MAST4: variants seen among roughly 807,000 people sequenced by gnomAD.
The protein encoded by MAST4 is microtubule associated serine/threonine kinase family member 4.
MAST4 carries 89 observed loss-of-function variants against 162.7 expected under a neutral mutation model. The observed-to-expected ratio is 0.55, with a 90% confidence interval of 0.46 to 0.65. The LOEUF (loss-of-function observed/expected upper bound fraction) is 0.65. Among genes scored for constraint, MAST4 ranks in the 30% least tolerant of loss-of-function variants. The pLI is 0.00. For missense variants in MAST4, 3,153 were observed against 3,374.0 expected (o/e 0.93, Z 1.62); for synonymous variants, 1,479 against 1,361.1 (o/e 1.09, Z -1.91).
At chr5:66,772,363 C>T (rs1754397687) in intron 2 of MAST4, among the ~76,000 whole-genome samples, 1 of 151,854 alleles carries the variant, frequency 6.6e-6, no homozygotes, top group Non-Finnish European at 1.5e-5. Context: ...AAGATTTTAC[C>T]CTCTTATAGG....
At chr5:67,065,338 GCTC>G (rs1296751295) in intron 5 of MAST4, among the ~76,000 whole-genome samples, 4 of 152,150 alleles carry the variant, frequency 2.6e-5, no homozygotes, top group Admixed American at 2.0e-4. Flanking sequence ...TGGCTTTTCT[GCTC>G]CTAGCTCACT....
At chr5:66,697,185 AG>A (rs1749461738) in intron 1 of MAST4, among the ~76,000 whole-genome samples, 1 of 152,208 alleles carries the variant, frequency 6.6e-6, no homozygotes, top group African/African-American at 2.4e-5. Context: ...AGTGAAAATT[AG>A]GGTTTTGGAA....
chr5:66,600,365 T>A (rs1413527298), intron 1 of MAST4, among the ~76,000 whole-genome samples: 1 of 152,230 alleles, frequency 6.6e-6, no homozygotes. Flanking sequence ...TGAAGGACTG[T>A]TCCCCTGACA....
At chr5:66,843,150 A>G (rs890175447) in intron 3 of MAST4, among the ~76,000 whole-genome samples, 5 of 152,134 alleles carry the variant, frequency 3.3e-5, no homozygotes, top group African/African-American at 1.2e-4. Flanking sequence ...TGTGCCTCAG[A>G]AAAAAATGGA....
At chr5:66,764,071 T>G (rs1166982925) in intron 2 of MAST4, among the ~76,000 whole-genome samples, 2 of 152,242 alleles carry the variant, frequency 1.3e-5, no homozygotes, top group Non-Finnish European at 2.9e-5. Flanking sequence ...GGTGTATCAG[T>G]CAGCAACAGT....
chr5:67,049,464 ACTTCAGCCTT>A (rs1161671566), intron 4 of MAST4, among the ~76,000 whole-genome samples: 1 of 152,094 alleles, frequency 6.6e-6, no homozygotes, highest in Non-Finnish European at 1.5e-5. Flanking sequence ...TATTTCTTCC[ACTTCAGCCTT>A]CTTCTTTAAG....
At chr5:67,075,738 C>G (rs1174899920) in intron 5 of MAST4, among the ~76,000 whole-genome samples, 1 of 152,168 alleles carries the variant, frequency 6.6e-6, no homozygotes, top group Non-Finnish European at 1.5e-5. Context: ...AAGCTAAGCA[C>G]TCCCTTAGGC....
At chr5:66,927,160 C>T (rs974444462) in intron 4 of MAST4, among the ~76,000 whole-genome samples, 2 of 152,086 alleles carry the variant, frequency 1.3e-5, no homozygotes, top group African/African-American at 4.8e-5. Flanking sequence ...CTATGTCTTC[C>T]AGACAGATCC....
chr5:66,725,043 A>G (rs937908659), intron 1 of MAST4, among the ~76,000 whole-genome samples: 1 of 151,836 alleles, frequency 6.6e-6, no homozygotes, highest in African/African-American at 2.4e-5. Context: ...TTAATGAAAT[A>G]TTATTTCATT....
chr5:66,716,030 T>A (rs1219904802), intron 1 of MAST4, among the ~76,000 whole-genome samples: 2 of 152,142 alleles, frequency 1.3e-5, no homozygotes, highest in African/African-American at 4.8e-5. Flanking sequence ...TAACTATTTT[T>A]GTTGCAGAAG....
chr5:66,907,634 G>A (rs923980324), intron 4 of MAST4, among the ~76,000 whole-genome samples: 4 of 110,970 alleles, frequency 3.6e-5, no homozygotes, highest in Non-Finnish European at 7.9e-5. Context: ...GTGTGTGTGT[G>A]TGTATTTTTT....
At chr5:66,976,234 C>T (rs1039154296) in intron 4 of MAST4, among the ~76,000 whole-genome samples, 4 of 152,204 alleles carry the variant, frequency 2.6e-5, no homozygotes, top group Non-Finnish European at 5.9e-5. Flanking sequence ...TCCAGCCCTG[C>T]GAGGCATTAC....
At chr5:66,899,225 G>C (rs1247815954) in intron 3 of MAST4, among the ~76,000 whole-genome samples, 1 of 152,008 alleles carries the variant, frequency 6.6e-6, no homozygotes, top group Non-Finnish European at 1.5e-5. Context: ...TCTTTGGTTG[G>C]CTTGTTTTCT....
chr5:66,624,146 G>GTTTTTTTTTTTTTTTT (rs200030700), intron 1 of MAST4, among the ~76,000 whole-genome samples: 15 of 90,128 alleles, frequency 1.7e-4, no homozygotes, highest in Non-Finnish European at 2.0e-4. Flanking sequence ...TTGTTAAAAT[G>GTTTTTTTTTTTTTTTT]TTTTTTTTTT....
chr5:67,003,273 T>G (rs558373122), intron 4 of MAST4, among the ~76,000 whole-genome samples: 11 of 152,280 alleles, frequency 7.2e-5, no homozygotes, highest in African/African-American at 2.6e-4. Flanking sequence ...TTTGTCTACC[T>G]CTGTGGGTTG....
intron 1 of MAST4, among the ~76,000 whole-genome samples, chr5:66,609,718 T>C (rs1475199425): frequency 7.5e-6 from 1 of 132,626 alleles, no homozygotes; most frequent in Admixed American, 7.3e-5. Flanking sequence ...TTTTTTTTTT[T>C]GTTTTGTTTT....
intron 5 of MAST4, among the ~76,000 whole-genome samples, chr5:67,077,427 T>A (rs976069853): frequency 6.6e-5 from 10 of 152,204 alleles, no homozygotes; most frequent in African/African-American, 1.9e-4. Context: ...AACACTATTG[T>A]GCCTAAGAAG....
rs1320621577 is a variant in MAST4 at position 66,826,791 on chromosome 5, C to G, written c.642+37997C>G. Among the ~76,000 whole-genome samples the G allele has an allele frequency of 2.0e-5, 3 of 152,194 alleles. No individual in the cohort carries two copies. In the East Asian group the frequency reaches 5.8e-4, roughly 29 times the overall value. On this transcript the variant is annotated intron_variant, in intron 3 of 28. Transcript: ENST00000403625. Reference sequence around the variant, plus strand: ...CTTGGGTCAAGATTTTTTCCAAAATCTGTCAGGACTTCCTTTTGCCTCTGT... The same window carrying G: ...CTTGGGTCAAGATTTTTTCCAAAATGTGTCAGGACTTCCTTTTGCCTCTGT...
chr5:66,952,444 T>G, intron 4 of MAST4, among the ~76,000 whole-genome samples: 1 of 151,938 alleles, frequency 6.6e-6, no homozygotes, highest in East Asian at 1.9e-4. Flanking sequence ...CTTGAAAAAA[T>G]GAACTCCAGT....
Sources: gnomAD v4.1 joint callset for allele counts (sites outside exome capture counted in the v4.1 genomes callset) on GRCh38, gnomAD v4.1.1 for gene constraint, MANE v1.5 for transcripts, NCBI Gene and HGNC (gene_info 2026-07-23, HGNC 2026-07-21) for gene names.